ING5: variants seen among roughly 807,000 people sequenced by gnomAD.
ING5 encodes inhibitor of growth family member 5.
In ING5, 17 loss-of-function variants were observed where a neutral mutation model predicts 37.4. That is an observed-to-expected ratio of 0.45 (90% CI 0.31 to 0.68). ING5 has a LOEUF of 0.68. Among genes scored for constraint, ING5 ranks in the 30% least tolerant of loss-of-function variants. The probability of loss-of-function intolerance (pLI) is 0.05; values close to 1 mark genes in which losing one functional copy is unlikely to be tolerated. For missense variants in ING5, 233 were observed against 311.9 expected (o/e 0.75, Z 1.91); for synonymous variants, 123 against 116.6 (o/e 1.06, Z -0.36).
chr2:241,690,596 G>A (rs2069535985), exon 2 of ING5: 7 of 398,550 alleles, frequency 1.8e-5, no homozygotes, highest in Non-Finnish European at 1.8e-5. Flanking sequence ...TTCCAGCACT[G>A]TCTGTCCAGG....
intron 2 of ING5, among the ~76,000 whole-genome samples, chr2:241,691,457 C>CA (rs202107841): frequency 6.6e-6 from 1 of 150,976 alleles, no homozygotes. Flanking sequence ...AAAACAAAAA[C>CA]AAAAAAACTG....
intron 4 of ING5, 60 bp downstream of exon 4, chr2:241,711,548 T>C (rs937911285): frequency 8.3e-7 from 1 of 1,200,452 alleles, no homozygotes; most frequent in Non-Finnish European, 1.2e-6. Context: ...TTTTGAAGAG[T>C]TTTGTCACGG....
At chr2:241,705,386 G>T (rs111363016) in intron 2 of ING5, among the ~76,000 whole-genome samples, 11,353 of 134,266 alleles carry the variant, frequency 0.085, 1,129 homozygotes, top group African/African-American at 0.25. Flanking sequence ...CCCTAACTCT[G>T]TTTTTTTCTT....
chr2:241,713,215 C>A (rs1004787299), intron 5 of ING5, among the ~76,000 whole-genome samples: 1 of 151,540 alleles, frequency 6.6e-6, no homozygotes, highest in Non-Finnish European at 1.5e-5. Flanking sequence ...CACCACCATG[C>A]CCGGCTAAGT....
chr2:241,712,681 T>C (rs895090641), intron 5 of ING5, among the ~76,000 whole-genome samples: 3 of 152,000 alleles, frequency 2.0e-5, no homozygotes, highest in Non-Finnish European at 2.9e-5. Context: ...AAAGAGAAAA[T>C]GCTGAAATGC....
chr2:241,721,354 C>G, intron 5 of ING5: 1 of 985,444 alleles, frequency 1.0e-6, no homozygotes, highest in Non-Finnish European at 1.2e-6. Context: ...GATTTCAGCT[C>G]TAAAGAGAAA....
At chr2:241,707,502 GGCTGGTCTT>G (rs1237138896) in intron 2 of ING5, among the ~76,000 whole-genome samples, 11 of 150,808 alleles carry the variant, frequency 7.3e-5, no homozygotes, top group Non-Finnish European at 1.5e-4. Context: ...ATGTTGGTCA[GGCTGGTCTT>G]GAACTCCTGA....
At chr2:241,724,781 C>G (rs1691541466) in intron 7 of ING5, 1 of 589,386 alleles carries the variant, frequency 1.7e-6, no homozygotes, top group Non-Finnish European at 3.0e-6. Flanking sequence ...GTGTATCTGT[C>G]AGCTTCAGAA....
intron 2 of ING5, among the ~76,000 whole-genome samples, chr2:241,691,924 T>C (rs1250154278): frequency 1.3e-5 from 2 of 152,060 alleles, no homozygotes; most frequent in African/African-American, 4.8e-5. Flanking sequence ...TGGGCGTGCC[T>C]ATAGTCCCAG....
chr2:241,716,281 C>CTTTTT (rs11332132), intron 5 of ING5, among the ~76,000 whole-genome samples: 27 of 73,662 alleles, frequency 3.7e-4, no homozygotes, highest in South Asian at 6.6e-4. Flanking sequence ...ATTAGCCATG[C>CTTTTT]TTTTTTTTTT....
chr2:241,690,593 ACTGT>A (rs751277054), exon 2 of ING5: 9 of 398,496 alleles, frequency 2.3e-5, no homozygotes, highest in Admixed American at 4.4e-5. Flanking sequence ...GATTTCCAGC[ACTGT>A]CTGTCCAGGA....
chr2:241,724,828 A>C, intron 7 of ING5, 161 bp from the exon 8 acceptor site: 1 of 656,098 alleles, frequency 1.5e-6, no homozygotes, highest in South Asian at 1.8e-5. Context: ...GCATCGGCGC[A>C]TTTTCCCTGC....
chr2:241,709,593 G>A (rs1263155745), intron 3 of ING5, among the ~76,000 whole-genome samples: 1 of 124,386 alleles, frequency 8.0e-6, no homozygotes, highest in Non-Finnish European at 1.7e-5. Flanking sequence ...TTTTGTTTGT[G>A]TATCTGCTCG....
chr2:241,707,049 TC>T (rs1270841602), intron 2 of ING5, among the ~76,000 whole-genome samples: 15 of 148,104 alleles, frequency 1.0e-4, no homozygotes, highest in African/African-American at 3.7e-4. Context: ...AACCTCTGCC[TC>T]CCAGGTTCAA....
chr2:241,687,128 G>C, exon 1 of ING5: 1 of 388,682 alleles, frequency 2.6e-6, no homozygotes, highest in Non-Finnish European at 4.5e-6. Context: ...GGGCGCGGAC[G>C]AGGGGAGCGC....
At position 241,704,762 on chromosome 2, in the gene ING5, C is replaced by T. The variant is rs1575122555; in HGVS notation, c.109+38C>T. ...CTCTCCATACAACCAGAACTGAGTT[C>T]TGACAGGTGGGAGCCAGCAGCTCCT... On this transcript the variant is annotated intron_variant, in intron 2 of 7. Coordinates refer to ENST00000313552, the MANE Select transcript of ING5 (RefSeq NM_032329.6). The T allele has an allele frequency of 5.8e-6, 9 of 1,555,738 alleles. No homozygotes were observed. In the East Asian group the frequency reaches 1.3e-4, roughly 23 times the overall value.
chr2:241,722,544 CTG>C, intron 5 of ING5: 1 of 985,438 alleles, frequency 1.0e-6, no homozygotes. Context: ...TTGTGGGTAA[CTG>C]TTCTTTCTAG....
intron 3 of ING5, among the ~76,000 whole-genome samples, chr2:241,710,774 G>A (rs1351649516): frequency 2.0e-5 from 3 of 152,066 alleles, no homozygotes; most frequent in Admixed American, 1.3e-4. Flanking sequence ...ATGAGCCACC[G>A]TGCCTGGCCT....
At chr2:241,703,860 T>TCAGC (rs1332861822) in intron 1 of ING5, among the ~76,000 whole-genome samples, 1 of 152,126 alleles carries the variant, frequency 6.6e-6, no homozygotes, top group Non-Finnish European at 1.5e-5. Context: ...CCTGTCTTGA[T>TCAGC]CTCCCAAAGT....
Sources: gnomAD v4.1 joint callset for allele counts (sites outside exome capture counted in the v4.1 genomes callset) on GRCh38, gnomAD v4.1.1 for gene constraint, MANE v1.5 for transcripts, NCBI Gene and HGNC (gene_info 2026-07-23, HGNC 2026-07-21) for gene names.